The following SUPT3H variants were observed in gnomAD, a reference collection of about 807,000 sequenced individuals.
The protein encoded by SUPT3H is SPT3 homolog, SAGA and STAGA complex component, also known as transcription initiation protein SPT3 homolog.
A neutral mutation model predicts 44.3 loss-of-function variants in SUPT3H; 44 were observed. The observed-to-expected ratio is 0.99, with a 90% CI of 0.78 to 1.28. The LOEUF (loss-of-function observed/expected upper bound fraction) is 1.28, where lower values mean the gene tolerates loss of function less well. Ranked by LOEUF, SUPT3H falls within the 50% of genes most tolerant of loss-of-function variation. The pLI is 0.00. For synonymous variants in SUPT3H, 124 were observed against 125.6 expected, an observed-to-expected ratio of 0.99 and a Z score of 0.09; for missense variants, 380 against 387.1, an observed-to-expected ratio of 0.98 and a Z score of 0.15.
intron 6 of SUPT3H, among the ~76,000 whole-genome samples, chr6:45,002,109 AG>A (rs1782084301): frequency 6.6e-6 from 1 of 152,076 alleles, no homozygotes; most frequent in Non-Finnish European, 1.5e-5. Flanking sequence ...CACTGTAACT[AG>A]TTTTATCAAC....
At chr6:44,897,596 A>C (rs796270542) in intron 10 of SUPT3H, among the ~76,000 whole-genome samples, 1 of 152,192 alleles carries the variant, frequency 6.6e-6, no homozygotes, top group African/African-American at 2.4e-5. Flanking sequence ...TAAAACCCTA[A>C]GCAAAGGCCA....
At position 45,098,930 on chromosome 6, in the gene SUPT3H, C is replaced by A. The variant is rs190465301; in HGVS notation, c.186+6992G>T. 2.0e-4 allele frequency: 103 copies of A among 507,254 alleles called. 1 individual carries two copies. The highest frequency in any genetic ancestry group is 1.9e-3 in the African/African-American group (96 of 50,920). The allele number at this position is 507,254 out of a possible 1,614,324, so 31.4% of individuals were successfully genotyped here. A position where few individuals can be genotyped will look rare whatever the true frequency, so the allele number is the denominator to read the frequency against. On this transcript the variant is annotated intron_variant, in intron 3 of 10. Transcript: ENST00000371459. ...ATAAAATGGGGAAGATCCCAAGCAT[C>A]CAGAGGAAAAGAAAAAGAGAAGAAC...
intron 10 of SUPT3H, among the ~76,000 whole-genome samples, chr6:44,876,532 T>C (rs576591170): frequency 5.7e-5 from 8 of 139,750 alleles, no homozygotes; most frequent in East Asian, 2.2e-4. Flanking sequence ...AGGGATAGCA[T>C]TGGGAGATAT....
intron 6 of SUPT3H, among the ~76,000 whole-genome samples, chr6:45,000,197 A>C (rs1781837552): frequency 6.6e-6 from 1 of 152,006 alleles, no homozygotes; most frequent in Non-Finnish European, 1.5e-5. Context: ...CATATTTAAG[A>C]GTTTCAGTTT....
chr6:45,294,634 G>C (rs139274885), intron 2 of SUPT3H, among the ~76,000 whole-genome samples: 1 of 143,674 alleles, frequency 7.0e-6, no homozygotes, highest in African/African-American at 2.6e-5. Flanking sequence ...CAAAGTTCCC[G>C]GACACAAAAT....
chr6:45,048,739 C>G (rs1410199446), intron 3 of SUPT3H, among the ~76,000 whole-genome samples: 1 of 152,034 alleles, frequency 6.6e-6, no homozygotes. Context: ...TCATTTTTGA[C>G]AACATGGATG....
intron 3 of SUPT3H, among the ~76,000 whole-genome samples, chr6:45,050,277 CAG>C (rs1491257039): frequency 5.8e-5 from 3 of 51,576 alleles, no homozygotes; most frequent in Non-Finnish European, 1.1e-4. Flanking sequence ...GCTTTTTCTG[CAG>C]TGTGTGTGTG....
chr6:44,981,835 C>G (rs961986131), intron 6 of SUPT3H, among the ~76,000 whole-genome samples: 1 of 145,888 alleles, frequency 6.9e-6, no homozygotes, highest in Non-Finnish European at 1.5e-5. Context: ...AATCTCAGCA[C>G]TTTGGGAGGT....
rs571574948 is a variant in SUPT3H at position 44,869,503 on chromosome 6, T to C, written c.913-39646A>G. ...ACTGTTCTGAAAATCAGCACGTATG[T>C]AGGTAATTACTCCTAATATGCCCAG... is the stretch of plus-strand genomic sequence containing the variant. On this transcript the variant is annotated intron_variant, in intron 10 of 10. Transcript: ENST00000371459. Among the ~76,000 whole-genome samples the C allele has an allele frequency of 3.9e-5, 6 of 152,320 alleles. No homozygotes were observed. The South Asian group carries it at 1.2e-3, about 32-fold the overall frequency.
At chr6:45,173,670 T>G (rs1811204398) in intron 2 of SUPT3H, among the ~76,000 whole-genome samples, 1 of 152,248 alleles carries the variant, frequency 6.6e-6, no homozygotes, top group Non-Finnish European at 1.5e-5. Context: ...CTCTGTCAAC[T>G]GAGACTTGGA....
intron 1 of SUPT3H, among the ~76,000 whole-genome samples, chr6:45,367,458 T>TAA (rs929113976): frequency 6.8e-6 from 1 of 146,310 alleles, no homozygotes; most frequent in East Asian, 2.0e-4. Flanking sequence ...AGACTCGGAT[T>TAA]AAAAAAAAAA....
chr6:45,140,115 GAACTATAT>G (rs1804934659), intron 2 of SUPT3H, among the ~76,000 whole-genome samples: 1 of 152,030 alleles, frequency 6.6e-6, no homozygotes, highest in Non-Finnish European at 1.5e-5. Flanking sequence ...CTTCACTGGT[GAACTATAT>G]GATACAGCAG....
At chr6:44,820,612 A>G (rs73735204) in intron 11 of SUPT3H, among the ~76,000 whole-genome samples, 3,618 of 152,314 alleles carry the variant, frequency 0.024, 151 homozygotes, top group African/African-American at 0.082. Flanking sequence ...ATTATGTGTC[A>G]TGCACTGTTC....
chr6:44,916,077 T>C (rs1406156561), intron 10 of SUPT3H, among the ~76,000 whole-genome samples: 2 of 152,206 alleles, frequency 1.3e-5, no homozygotes, highest in Admixed American at 1.3e-4. Flanking sequence ...ATCTAGATGT[T>C]TGAAACGTTA....
At chr6:45,301,732 T>G (rs1782170572) in intron 2 of SUPT3H, among the ~76,000 whole-genome samples, 1 of 152,216 alleles carries the variant, frequency 6.6e-6, no homozygotes, top group African/African-American at 2.4e-5. Flanking sequence ...TCAATCTTTA[T>G]ATTATCGGTA....
chr6:45,281,317 G>C (rs192369235), intron 2 of SUPT3H, among the ~76,000 whole-genome samples: 4 of 152,246 alleles, frequency 2.6e-5, no homozygotes, highest in Non-Finnish European at 5.9e-5. Context: ...CGAAGCGCAA[G>C]GGGTCAGGGA....
chr6:44,936,647 T>C (rs1260727935), intron 9 of SUPT3H, among the ~76,000 whole-genome samples: 2 of 152,160 alleles, frequency 1.3e-5, no homozygotes, highest in Non-Finnish European at 2.9e-5. Context: ...GTTCCATCCA[T>C]GTTGTAAAAA....
At chr6:44,948,803 C>T (rs919007231) in intron 9 of SUPT3H, among the ~76,000 whole-genome samples, 4 of 152,094 alleles carry the variant, frequency 2.6e-5, no homozygotes, top group African/African-American at 7.2e-5. Context: ...GGACTGTAAA[C>T]TAGTTCAACC....
intron 3 of SUPT3H, among the ~76,000 whole-genome samples, chr6:45,037,810 A>G (rs1459515036): frequency 1.3e-5 from 2 of 151,998 alleles, no homozygotes; most frequent in African/African-American, 4.8e-5. Flanking sequence ...GTCTCAAAAA[A>G]AAAAAAATAC....
Sources: allele counts gnomAD v4.1 joint callset (sites outside exome capture counted in the v4.1 genomes callset), GRCh38; gene constraint gnomAD v4.1.1; transcripts MANE v1.5; gene names NCBI Gene and HGNC (gene_info 2026-07-23, HGNC 2026-07-21).